Variants in ABAT observed in about 807,000 individuals in gnomAD.
ABAT encodes 4-aminobutyrate aminotransferase, mitochondrial.
Under a neutral mutation model 64.6 loss-of-function variants are expected in ABAT, and 45 were observed. The observed-to-expected ratio is 0.70, with a 90% CI of 0.55 to 0.89. ABAT has a LOEUF of 0.89. Ranked by LOEUF, ABAT falls within the 40% of genes least tolerant of loss-of-function variation. The pLI is 0.00. For missense variants in ABAT, 633 were observed against 658.4 expected, an observed-to-expected ratio of 0.96 and a Z score of 0.42; for synonymous variants, 297 against 250.5, an observed-to-expected ratio of 1.19 and a Z score of -1.75.
chr16:8,716,369 T>A lies in ABAT; in HGVS notation c.-41-19330T>A, dbSNP rs538314364. ...ATGGGTATTATGATATATAAAGAAC[T>A]TAGAACAGGGTTTGGCCTAAAGTAA... is the stretch of plus-strand genomic sequence containing the variant. On this transcript the variant is annotated intron_variant, in intron 1 of 15. Transcript: ENST00000268251. 7.9e-5 allele frequency among the ~76,000 whole-genome samples: 12 copies of A among 152,278 alleles called. No individual in the cohort carries two copies. The Middle Eastern group carries it at 0.01, about 129-fold the overall frequency.
chr16:8,689,772 T>C (rs1246522706), intron 1 of ABAT, among the ~76,000 whole-genome samples: 1 of 152,126 alleles, frequency 6.6e-6, no homozygotes, highest in East Asian at 1.9e-4. Context: ...GAAAAGCATT[T>C]TGGGTGGTGG....
intron 1 of ABAT, among the ~76,000 whole-genome samples, chr16:8,697,080 C>G (rs1166444847): frequency 6.6e-6 from 1 of 152,066 alleles, no homozygotes; most frequent in Non-Finnish European, 1.5e-5. Context: ...ATAAGGGTGA[C>G]AAAAATAAAA....
intron 1 of ABAT, among the ~76,000 whole-genome samples, chr16:8,719,154 C>T (rs1596415851): frequency 6.6e-6 from 1 of 152,292 alleles, no homozygotes; most frequent in Middle Eastern, 3.4e-3. Context: ...TCCTTGTTTA[C>T]TGAGGAATCT....
At chr16:8,709,049 T>C (rs560831150) in intron 1 of ABAT, among the ~76,000 whole-genome samples, 47 of 152,106 alleles carry the variant, frequency 3.1e-4, no homozygotes, top group Non-Finnish European at 6.3e-4. Flanking sequence ...ACACATCCGA[T>C]TTTGAAGACT....
Position 8,768,877 on chromosome 16 carries a change from C to A in ABAT, c.720C>A (p.Ser240=). The change falls in exon 11 of 16, where the codon TCC becomes TCA. Residue 240 remains serine (S), a synonymous_variant. Coordinates refer to ENST00000268251, the MANE Select transcript of ABAT (RefSeq NM_020686.6). ...CCATTCACAAGATCGACATCCCTTCCTTTGACTGGCCCATCGCACCGTTCC... is the reference window on the plus strand; with the variant it reads ...CCATTCACAAGATCGACATCCCTTCATTTGACTGGCCCATCGCACCGTTCC... ...SKAIHKIDIP[S]FDWPIAPFPR... 2 of 1,614,228 alleles carry A rather than the reference C, an allele frequency of 1.2e-6. No individual in the cohort carries two copies. The highest frequency in any genetic ancestry group is 1.7e-6 in the Non-Finnish European group (2 of 1,180,048).
At chr16:8,731,592 A>T (rs192157617) in intron 1 of ABAT, 1 of 151,736 alleles carries the variant, frequency 6.6e-6, no homozygotes, top group East Asian at 1.9e-4. Flanking sequence ...CTTGATAGGT[A>T]TGTCAACCTC....
At chr16:8,685,515 C>CAA (rs112185375) in intron 1 of ABAT, among the ~76,000 whole-genome samples, 32 of 144,782 alleles carry the variant, frequency 2.2e-4, no homozygotes, top group Non-Finnish European at 3.6e-4. Flanking sequence ...GCTAAAAATA[C>CAA]AAAAAAAAAA....
chr16:8,766,598 T>G (rs545068214), intron 9 of ABAT, among the ~76,000 whole-genome samples: 2 of 149,458 alleles, frequency 1.3e-5, no homozygotes, highest in Non-Finnish European at 3.0e-5. Flanking sequence ...GAGGTTGCAG[T>G]GAGCCGAGAT....
chr16:8,777,050 C>T (rs969205286), intron 14 of ABAT, among the ~76,000 whole-genome samples: 8 of 152,198 alleles, frequency 5.3e-5, no homozygotes, highest in African/African-American at 1.9e-4. Flanking sequence ...GGGCATGTGC[C>T]GTTATGCCCT....
At chr16:8,743,624 A>G (rs1041753791) in intron 2 of ABAT, among the ~76,000 whole-genome samples, 3 of 130,124 alleles carry the variant, frequency 2.3e-5, no homozygotes, top group African/African-American at 8.7e-5. Context: ...TAGTTATATG[A>G]TATATATTTT....
chr16:8,773,050 TC>T (rs2060160102), intron 12 of ABAT, 133 bp downstream of exon 12: 2 of 1,250,984 alleles, frequency 1.6e-6, no homozygotes, highest in African/African-American at 1.6e-5. Context: ...TCTGTCAGCA[TC>T]AGGGGTGGAG....
chr16:8,681,268 A>G (rs571206278), intron 1 of ABAT, among the ~76,000 whole-genome samples: 3 of 151,096 alleles, frequency 2.0e-5, no homozygotes, highest in Admixed American at 6.6e-5. Flanking sequence ...TGGGATTACA[A>G]GTGTGAACTG....
At chr16:8,748,552 G>T (rs1378891569) in intron 4 of ABAT, among the ~76,000 whole-genome samples, 1 of 152,134 alleles carries the variant, frequency 6.6e-6, no homozygotes, top group Non-Finnish European at 1.5e-5. Flanking sequence ...AGGTCTGGTT[G>T]CTTTTAGAAT....
intron 1 of ABAT, among the ~76,000 whole-genome samples, chr16:8,730,611 C>A (rs1462459518): frequency 1.3e-5 from 2 of 152,144 alleles, no homozygotes; most frequent in African/African-American, 4.8e-5. Context: ...GCTGTCATCA[C>A]AGAAGCAGGG....
intron 12 of ABAT, among the ~76,000 whole-genome samples, chr16:8,774,594 C>T (rs4482281): frequency 0.04 from 6,159 of 152,120 alleles, 385 homozygotes; most frequent in African/African-American, 0.13. Flanking sequence ...GAGACTGAAG[C>T]CAGATGACAT....
intron 1 of ABAT, among the ~76,000 whole-genome samples, chr16:8,682,738 A>G (rs915048294): frequency 6.6e-6 from 1 of 152,154 alleles, no homozygotes; most frequent in Non-Finnish European, 1.5e-5. Flanking sequence ...CTGCACTGAG[A>G]ATTCCTTCAA....
At chr16:8,727,496 C>G (rs1196683832) in intron 1 of ABAT, among the ~76,000 whole-genome samples, 2 of 152,170 alleles carry the variant, frequency 1.3e-5, no homozygotes, top group South Asian at 4.1e-4. Flanking sequence ...CATTGTCACC[C>G]CAGCCAGAAA....
In ABAT at chr16:8,781,220, C is replaced by A. The variant is rs780124971; in HGVS notation, c.1382-89C>A. 1 of 1,581,590 alleles carries A rather than the reference C, an allele frequency of 6.3e-7. No individual in the cohort carries two copies. Among genetic ancestry groups the A allele is most frequent in the Non-Finnish European group, 8.7e-7 (1 of 1,152,892 alleles). On this transcript the variant is annotated intron_variant, in intron 15 of 15. Coordinates refer to ENST00000268251, the MANE Select transcript of ABAT (RefSeq NM_020686.6). This position sits in a 1 kb window ranked among gnomAD's most constrained non-coding sequence, Gnocchi z 4.5. ...ATGGATGGATGGATGGATGGATGAG[C>A]GTTGCCAACAGGCATCACTTTCCCC...
At chr16:8,680,069 A>G (rs557949126) in intron 1 of ABAT, among the ~76,000 whole-genome samples, 1 of 152,212 alleles carries the variant, frequency 6.6e-6, no homozygotes, top group South Asian at 2.1e-4. Context: ...CGTCTTTTAC[A>G]GGTAGTCTTC....
Sources: allele counts gnomAD v4.1 joint callset (sites outside exome capture counted in the v4.1 genomes callset), GRCh38; gene constraint gnomAD v4.1.1; non-coding constraint Gnocchi (gnomAD v3.1); transcripts MANE v1.5; gene names NCBI Gene and HGNC (gene_info 2026-07-23, HGNC 2026-07-21).